Variants in MSRA observed in about 807,000 individuals in gnomAD.
MSRA encodes methionine sulfoxide reductase A, also known as mitochondrial peptide methionine sulfoxide reductase.
MSRA carries 54 observed loss-of-function variants against 31.3 expected under a neutral mutation model. The ratio of observed to expected loss-of-function variants is 1.73; its 90% CI spans 1.39 to 2.17. The LOEUF (loss-of-function observed/expected upper bound fraction) is 2.17, where lower values mean the gene tolerates loss of function less well. Among genes scored for constraint, MSRA ranks in the 30% most tolerant of loss-of-function variants. The pLI, the probability that MSRA is intolerant of heterozygous loss-of-function variation, is 0.00. For synonymous variants in MSRA, 169 were observed against 116.5 expected (o/e 1.45, Z -2.90); for missense variants, 507 against 300.9 (o/e 1.69, Z -5.07).
intron 2 of MSRA, among the ~76,000 whole-genome samples, chr8:10,224,759 A>C (rs1810846381): frequency 6.6e-6 from 1 of 152,198 alleles, no homozygotes; most frequent in Non-Finnish European, 1.5e-5. Flanking sequence ...TGCTGGGGAA[A>C]TCTTGGTCAC....
chr8:10,179,847 CA>C (rs1397091601), intron 1 of MSRA, among the ~76,000 whole-genome samples: 1 of 152,202 alleles, frequency 6.6e-6, no homozygotes, highest in Admixed American at 6.5e-5. Context: ...TGGTTTCCTA[CA>C]CCTCTCCCCA....
chr8:10,345,695 CATTAT>C (rs1803726650), intron 5 of MSRA, among the ~76,000 whole-genome samples: 1 of 152,126 alleles, frequency 6.6e-6, no homozygotes, highest in African/African-American at 2.4e-5. Flanking sequence ...AAAATAATTA[CATTAT>C]GAGAAGTGCG....
chr8:10,372,150 C>A (rs141516085), intron 5 of MSRA, among the ~76,000 whole-genome samples: 1 of 152,190 alleles, frequency 6.6e-6, no homozygotes, highest in Admixed American at 6.5e-5. Flanking sequence ...TAGCTCTTCT[C>A]ACCAGGCAGG....
At chr8:10,234,757 G>C (rs1488097604) in intron 2 of MSRA, among the ~76,000 whole-genome samples, 1 of 151,858 alleles carries the variant, frequency 6.6e-6, no homozygotes, top group African/African-American at 2.4e-5. Context: ...CATACGCCTG[G>C]TAAATGAATA....
Position 10,225,832 on chromosome 8 carries a change from C to T in MSRA, c.211+17931C>T, listed in dbSNP as rs186161610. ...GAACTAGTGTTTACTGACCATCTAC[C>T]GGGTGCCAAGCCATGCTGAAAGGCA... is the stretch of plus-strand genomic sequence containing the variant. On this transcript the variant is annotated intron_variant, in intron 2 of 5. Coordinates refer to ENST00000317173, the MANE Select transcript of MSRA (RefSeq NM_012331.5). 9.2e-5 allele frequency among the ~76,000 whole-genome samples: 14 copies of T among 152,180 alleles called. No homozygotes were observed. In the East Asian group the frequency reaches 1.9e-3, roughly 21 times the overall value.
intron 1 of MSRA, among the ~76,000 whole-genome samples, chr8:10,201,855 C>T (rs986677296): frequency 2.0e-5 from 3 of 152,204 alleles, no homozygotes; most frequent in African/African-American, 7.2e-5. Context: ...TGGTGGAGGA[C>T]ACGTCACTGC....
chr8:10,209,284 A>G (rs918214333), intron 2 of MSRA, among the ~76,000 whole-genome samples: 3 of 152,152 alleles, frequency 2.0e-5, no homozygotes, highest in Non-Finnish European at 2.9e-5. Flanking sequence ...TGATTTATTT[A>G]TTTATTTTCC....
chr8:10,084,521 A>G (rs1486801556), intron 1 of MSRA, among the ~76,000 whole-genome samples: 1 of 152,202 alleles, frequency 6.6e-6, no homozygotes, highest in Non-Finnish European at 1.5e-5. Context: ...GGGTATACAA[A>G]CTGGAGACAG....
At chr8:10,248,283 T>C (rs768429149) in intron 3 of MSRA, among the ~76,000 whole-genome samples, 19 of 152,330 alleles carry the variant, frequency 1.2e-4, no homozygotes, top group Non-Finnish European at 2.6e-4. Flanking sequence ...GAGACCTGGA[T>C]TGTGTGCAGA....
chr8:10,330,206 T>TACACACACACAC (rs58184031), intron 5 of MSRA, among the ~76,000 whole-genome samples: 1 of 148,146 alleles, frequency 6.8e-6, no homozygotes, highest in Non-Finnish European at 1.5e-5. Flanking sequence ...AAATGTGATA[T>TACACACACACAC]ACACACACAC....
intron 1 of MSRA, among the ~76,000 whole-genome samples, chr8:10,194,995 C>A (rs1180178680): frequency 6.6e-6 from 1 of 152,228 alleles, no homozygotes; most frequent in African/African-American, 2.4e-5. Flanking sequence ...CAGTACTATT[C>A]TCCTGCACTT....
intron 5 of MSRA, among the ~76,000 whole-genome samples, chr8:10,363,738 CCACACACACACACA>C (rs71203319): frequency 2.9e-5 from 3 of 103,286 alleles, no homozygotes; most frequent in South Asian, 4.6e-4. Context: ...GATGCAGTCA[CCACACACACACACA>C]CACACACACA....
intron 2 of MSRA, among the ~76,000 whole-genome samples, chr8:10,219,002 C>T (rs1810248408): frequency 1.3e-5 from 2 of 152,130 alleles, no homozygotes; most frequent in African/African-American, 4.8e-5. Context: ...GATCTTGTGA[C>T]CAGGGGATGT....
intron 2 of MSRA, among the ~76,000 whole-genome samples, chr8:10,232,510 C>A (rs973077286): frequency 2.0e-5 from 3 of 152,150 alleles, no homozygotes; most frequent in Non-Finnish European, 4.4e-5. Context: ...ATGTAGTGGT[C>A]GGCCTCTTAG....
chr8:10,233,789 G>C (rs1041772712), intron 2 of MSRA, among the ~76,000 whole-genome samples: 1 of 152,112 alleles, frequency 6.6e-6, no homozygotes, highest in Non-Finnish European at 1.5e-5. Context: ...AATAGCTGAA[G>C]ACTTTTTAGA....
chr8:10,385,757 G>A (rs1414348162), intron 5 of MSRA, among the ~76,000 whole-genome samples: 1 of 145,876 alleles, frequency 6.9e-6, no homozygotes, highest in Non-Finnish European at 1.5e-5. Context: ...ACATTTACCT[G>A]GTTTCTGCAG....
intron 1 of MSRA, among the ~76,000 whole-genome samples, chr8:10,197,426 G>A (rs1808086990): frequency 6.6e-6 from 1 of 152,198 alleles, no homozygotes; most frequent in South Asian, 2.1e-4. Context: ...TTGGAGAGCT[G>A]CAGGCAGTGC....
chr8:10,174,539 T>C (rs1041090326), intron 1 of MSRA, among the ~76,000 whole-genome samples: 1 of 152,132 alleles, frequency 6.6e-6, no homozygotes, highest in African/African-American at 2.4e-5. Flanking sequence ...CTCCCCTCTG[T>C]GAGCTCAGGC....
At chr8:10,198,721 T>C (rs1808213616) in intron 1 of MSRA, among the ~76,000 whole-genome samples, 2 of 152,194 alleles carry the variant, frequency 1.3e-5, no homozygotes, top group African/African-American at 2.4e-5. Context: ...ACTACTGGGC[T>C]CAAATGTTTC....
Sources: gnomAD v4.1 joint callset for allele counts (sites outside exome capture counted in the v4.1 genomes callset) on GRCh38, gnomAD v4.1.1 for gene constraint, MANE v1.5 for transcripts, NCBI Gene and HGNC (gene_info 2026-07-23, HGNC 2026-07-21) for gene names.